PCDHA9: variants seen among roughly 807,000 people sequenced by gnomAD.
PCDHA9 encodes protocadherin alpha 9, also known as protocadherin alpha-9.
PCDHA9 carries 62 observed loss-of-function variants against 62.0 expected under a neutral mutation model. The ratio of observed to expected loss-of-function variants is 1.00; its 90% CI spans 0.81 to 1.23. The LOEUF (loss-of-function observed/expected upper bound fraction) is 1.23, where lower values mean the gene tolerates loss of function less well. PCDHA9 is among the 50% of genes most tolerant of loss of function. The pLI is 0.00. For missense variants in PCDHA9, 1,205 were observed against 1,249.8 expected (o/e 0.96, Z 0.54); for synonymous variants, 557 against 567.6 (o/e 0.98, Z 0.27).
intron 1 of PCDHA9, chr5:140,870,128 C>T: frequency 6.2e-7 from 1 of 1,613,948 alleles, no homozygotes; most frequent in Non-Finnish European, 8.5e-7. Flanking sequence ...ATCTTGGACA[C>T]CAACGATAAC....
chr5:140,861,445 G>A (rs1196401790), intron 1 of PCDHA9: 1 of 494,332 alleles, frequency 2.0e-6, no homozygotes, highest in Admixed American at 2.1e-5. Context: ...AAAAGCCGCA[G>A]AAACCTTCTG....
intron 1 of PCDHA9, among the ~76,000 whole-genome samples, chr5:140,903,073 T>C (rs1181656778): frequency 6.6e-6 from 1 of 152,196 alleles, no homozygotes; most frequent in Admixed American, 6.5e-5. Context: ...TTTGGGTAGA[T>C]ACCTGATAGT....
chr5:140,978,842 T>A, intron 1 of PCDHA9, 107 bp from the exon 2 acceptor site: 1 of 1,564,670 alleles, frequency 6.4e-7, no homozygotes, highest in East Asian at 2.3e-5. Flanking sequence ...TTCAATACTT[T>A]TTTAGATGCC....
chr5:140,859,697 G>T (rs1233998662), intron 1 of PCDHA9: 1 of 154,148 alleles, frequency 6.5e-6, no homozygotes, highest in Non-Finnish European at 1.4e-5. Flanking sequence ...TATTGTTCAA[G>T]TTTAGGAACA....
intron 1 of PCDHA9, among the ~76,000 whole-genome samples, chr5:140,902,203 C>CTTTTTTTTTT (rs148688132): frequency 8.0e-6 from 1 of 124,460 alleles, no homozygotes; most frequent in Non-Finnish European, 1.7e-5. Flanking sequence ...CTCTCTCTTT[C>CTTTTTTTTTT]TTTTTTTTTT....
At chr5:140,873,801 C>G (rs2054500183) in intron 1 of PCDHA9, among the ~76,000 whole-genome samples, 1 of 152,180 alleles carries the variant, frequency 6.6e-6, no homozygotes, top group Non-Finnish European at 1.5e-5. Flanking sequence ...GCTGGGACTA[C>G]AGGCATGCAC....
At chr5:140,947,221 T>A (rs181563367) in intron 1 of PCDHA9, among the ~76,000 whole-genome samples, 1 of 151,730 alleles carries the variant, frequency 6.6e-6, no homozygotes, top group East Asian at 1.9e-4. Context: ...TCCTGTCATT[T>A]ATGACAGGAA....
chr5:140,991,635 T>C (rs1215420696), intron 3 of PCDHA9, among the ~76,000 whole-genome samples: 1 of 152,220 alleles, frequency 6.6e-6, no homozygotes, highest in East Asian at 1.9e-4. Flanking sequence ...GTAATAACAA[T>C]CTGTTCATGA....
At chr5:140,898,026 T>G (rs11167645) in intron 1 of PCDHA9, among the ~76,000 whole-genome samples, 49,476 of 151,852 alleles carry the variant, frequency 0.33, 8,303 homozygotes, top group East Asian at 0.53. Flanking sequence ...GCCCACTTTT[T>G]GATGGGGTTG....
chr5:140,869,613 CA>C (rs782134760), intron 1 of PCDHA9: 1 of 1,613,944 alleles, frequency 6.2e-7, no homozygotes. Flanking sequence ...TATTGACCTA[CA>C]GGCTAAGTAA....
chr5:140,861,270 A>G (rs900401240), intron 1 of PCDHA9: 2 of 180,284 alleles, frequency 1.1e-5, no homozygotes, highest in South Asian at 1.2e-4. Flanking sequence ...AGCCTACAGC[A>G]CTGGCTTCTG....
In PCDHA9 at chr5:140,850,663, G is replaced by C. The variant is rs2150492641; in HGVS notation, c.2168G>C (p.Cys723Ser). Residue 723 changes from cysteine (C) to serine (S), a missense_variant, in exon 1 of 4, where the codon TGC (cysteine) becomes TCC (serine). Around this residue, in one of 3 missense-constraint regions of PCDHA9, gnomAD observed 887 missense variants for 809.5 expected, o/e 1.10. Coordinates refer to ENST00000532602, the MANE Select transcript of PCDHA9 (RefSeq NM_031857.2). ...LTLLLYTVLR[C>S]SAMPTEGECA... The stretch of plus-strand genomic sequence containing the variant: ...CTGCTGCTGTACACTGTGCTGCGGT[G>C]CTCGGCGATGCCCACCGAGGGCGAG... 6.9e-6 allele frequency: 11 copies of C among 1,598,502 alleles called. No individual in the cohort carries two copies. The highest frequency in any genetic ancestry group is 1.3e-5 in the African/African-American group (1 of 74,476).
intron 1 of PCDHA9, chr5:140,967,981 G>A (rs1192553799): frequency 4.3e-6 from 7 of 1,614,084 alleles, no homozygotes; most frequent in African/African-American, 1.3e-5. Flanking sequence ...TGGGTCTGGA[G>A]GCCACACTGC....
chr5:140,939,481 A>G (rs1554212745), intron 1 of PCDHA9, among the ~76,000 whole-genome samples: 2 of 152,206 alleles, frequency 1.3e-5, no homozygotes, highest in Non-Finnish European at 2.9e-5. Flanking sequence ...CTTCATGAGA[A>G]TGTTAATTAT....
At chr5:140,990,134 CAA>C (rs2097375582) in intron 3 of PCDHA9, among the ~76,000 whole-genome samples, 2 of 151,958 alleles carry the variant, frequency 1.3e-5, no homozygotes, top group Non-Finnish European at 2.9e-5. Flanking sequence ...AAGTCAGACT[CAA>C]GAGGCATAAT....
chr5:140,982,992 A>G (rs1413932820), intron 3 of PCDHA9, among the ~76,000 whole-genome samples: 1 of 151,958 alleles, frequency 6.6e-6, no homozygotes, highest in African/African-American at 2.4e-5. Flanking sequence ...GAGAAAAAGA[A>G]GGAAAGAAAG....
chr5:140,951,318 G>C (rs2094570791), intron 1 of PCDHA9, among the ~76,000 whole-genome samples: 1 of 152,038 alleles, frequency 6.6e-6, no homozygotes, highest in Non-Finnish European at 1.5e-5. Context: ...TGTTATTCTT[G>C]AGATTCATCA....
At chr5:140,867,519 G>T (rs1028879679) in intron 1 of PCDHA9, 3 of 152,018 alleles carry the variant, frequency 2.0e-5, no homozygotes, top group Admixed American at 1.3e-4. Context: ...CAAATTAATA[G>T]TTGAATATAT....
intron 1 of PCDHA9, chr5:140,867,695 C>T (rs1283173997): frequency 6.6e-6 from 1 of 151,790 alleles, no homozygotes; most frequent in African/African-American, 2.4e-5. Context: ...TCTTTTTTTC[C>T]TCCTAAATCC....
Sources: gnomAD v4.1 joint callset for allele counts (sites outside exome capture counted in the v4.1 genomes callset) on GRCh38, gnomAD v4.1.1 for gene constraint, gnomAD v4.1.1 regional missense constraint, MANE v1.5 for transcripts, NCBI Gene and HGNC (gene_info 2026-07-23, HGNC 2026-07-21) for gene names.